Variants in ANKRD6 observed in about 807,000 individuals in gnomAD.
ANKRD6 encodes ankyrin repeat domain 6.
ANKRD6 carries 56 observed loss-of-function variants against 82.3 expected under a neutral mutation model. The ratio of observed to expected loss-of-function variants is 0.68; its 90% confidence interval spans 0.55 to 0.85. The LOEUF (loss-of-function observed/expected upper bound fraction) is 0.85. Ranked by LOEUF, ANKRD6 falls within the 40% of genes least tolerant of loss-of-function variation. The pLI, the probability that ANKRD6 is intolerant of heterozygous loss-of-function variation, is 0.00. For synonymous variants in ANKRD6, 347 were observed against 352.1 expected (o/e 0.99, Z 0.16); for missense variants, 852 against 907.6 (o/e 0.94, Z 0.79).
chr6:89,466,087 C>T (rs1314474225), intron 1 of ANKRD6, among the ~76,000 whole-genome samples: 10 of 152,128 alleles, frequency 6.6e-5, no homozygotes, highest in Non-Finnish European at 1.3e-4. Flanking sequence ...ACACAGTGGA[C>T]ATCATACTCT....
chr6:89,600,267 A>T lies in ANKRD6; in HGVS notation c.220-2762A>T, dbSNP rs2128168254. On this transcript the variant is annotated intron_variant, in intron 3 of 15. Transcript: ENST00000339746. ...ACTTGGTGCCATTCCGGCTCCAAAGATACCTCAACTCATAATTTAGAGGGC... is the reference window on the plus strand; with the variant it reads ...ACTTGGTGCCATTCCGGCTCCAAAGTTACCTCAACTCATAATTTAGAGGGC... Among the ~76,000 whole-genome samples, 4 of 152,312 alleles carry T rather than the reference A, an allele frequency of 2.6e-5. No individual in the cohort carries two copies. In the Middle Eastern group the frequency reaches 0.014, roughly 518 times the overall value.
At chr6:89,601,068 G>A (rs773772366) in intron 3 of ANKRD6, among the ~76,000 whole-genome samples, 4 of 152,102 alleles carry the variant, frequency 2.6e-5, no homozygotes, top group Non-Finnish European at 4.4e-5. Flanking sequence ...GACTTGGGCA[G>A]TATCTCATAT....
intron 1 of ANKRD6, among the ~76,000 whole-genome samples, chr6:89,451,150 A>T (rs1057191067): frequency 6.6e-6 from 1 of 152,158 alleles, no homozygotes; most frequent in Non-Finnish European, 1.5e-5. Context: ...TCTACAAAAA[A>T]TACAAAAAGT....
intron 2 of ANKRD6, among the ~76,000 whole-genome samples, chr6:89,578,636 A>T (rs774992580): frequency 4.6e-5 from 7 of 152,200 alleles, no homozygotes; most frequent in Non-Finnish European, 8.8e-5. Context: ...TAAAATAAGC[A>T]TATATTAATT....
chr6:89,574,467 GC>G (rs1299017737), intron 2 of ANKRD6, among the ~76,000 whole-genome samples: 3 of 152,186 alleles, frequency 2.0e-5, no homozygotes, highest in Non-Finnish European at 1.5e-5. Flanking sequence ...AGCACATGTT[GC>G]CATAGTTATA....
chr6:89,471,604 T>G (rs1278803559), intron 1 of ANKRD6, among the ~76,000 whole-genome samples: 1 of 151,258 alleles, frequency 6.6e-6, no homozygotes, highest in Non-Finnish European at 1.5e-5. Flanking sequence ...TAGGTATGTG[T>G]TTATCTGTGT....
At chr6:89,534,367 G>A (rs1216179099) in intron 1 of ANKRD6, among the ~76,000 whole-genome samples, 3 of 152,032 alleles carry the variant, frequency 2.0e-5, no homozygotes, top group African/African-American at 7.2e-5. Flanking sequence ...CAAAAAAGAA[G>A]AAAAGAATAA....
At chr6:89,463,664 T>C (rs941999147) in intron 1 of ANKRD6, among the ~76,000 whole-genome samples, 16 of 152,108 alleles carry the variant, frequency 1.1e-4, no homozygotes, top group African/African-American at 3.9e-4. Context: ...TTCTCCTGCC[T>C]CAGCCTCCCG....
At chr6:89,512,835 A>G (rs1780715633) in intron 1 of ANKRD6, among the ~76,000 whole-genome samples, 1 of 152,228 alleles carries the variant, frequency 6.6e-6, no homozygotes, top group Non-Finnish European at 1.5e-5. Flanking sequence ...AGAAGAGTGA[A>G]TGGTTTCCAC....
At chr6:89,540,472 G>A (rs577235731) in intron 1 of ANKRD6, among the ~76,000 whole-genome samples, 19 of 152,078 alleles carry the variant, frequency 1.2e-4, no homozygotes, top group Admixed American at 3.9e-4. Context: ...TGTTTGGATT[G>A]TTAGATTATT....
At chr6:89,573,386 C>T (rs1790378515) in intron 2 of ANKRD6, among the ~76,000 whole-genome samples, 1 of 152,100 alleles carries the variant, frequency 6.6e-6, no homozygotes, top group African/African-American at 2.4e-5. Flanking sequence ...TAAAACCGTT[C>T]TTAGTGCAAT....
At chr6:89,452,408 G>A (rs934099976) in intron 1 of ANKRD6, among the ~76,000 whole-genome samples, 1 of 152,162 alleles carries the variant, frequency 6.6e-6, no homozygotes, top group Admixed American at 6.5e-5. Context: ...AGTGAGGGGG[G>A]AAATGTTATA....
At chr6:89,471,359 CAAAAA>C (rs568718441) in intron 1 of ANKRD6, among the ~76,000 whole-genome samples, 1 of 57,120 alleles carries the variant, frequency 1.8e-5, no homozygotes, top group Non-Finnish European at 3.5e-5. Context: ...ACAACAACAA[CAAAAA>C]AAAAAAAAAA....
At chr6:89,491,292 A>T (rs1352486585) in intron 1 of ANKRD6, among the ~76,000 whole-genome samples, 2 of 152,170 alleles carry the variant, frequency 1.3e-5, no homozygotes, top group Non-Finnish European at 2.9e-5. Context: ...TGGTGTTGGG[A>T]TTCAGGACAC....
intron 1 of ANKRD6, among the ~76,000 whole-genome samples, chr6:89,451,156 A>G (rs1010341864): frequency 1.3e-5 from 2 of 152,134 alleles, no homozygotes; most frequent in Admixed American, 1.3e-4. Context: ...AAAAATACAA[A>G]AAGTTAGTAG....
In ANKRD6 at chr6:89,470,528, A is replaced by G. The variant is rs190408949; in HGVS notation, c.-144+37153A>G. On this transcript the variant is annotated intron_variant, in intron 1 of 15. Coordinates refer to ENST00000339746, the MANE Select transcript of ANKRD6 (RefSeq NM_001242809.2). ...CCCAGATACTCAGGAGGCTGAGGCAAGAGGATTGTTTGCACCCCAGAAGTC... is the reference window on the plus strand; with the variant it reads ...CCCAGATACTCAGGAGGCTGAGGCAGGAGGATTGTTTGCACCCCAGAAGTC... 2.6e-3 allele frequency among the ~76,000 whole-genome samples: 402 copies of G among 152,230 alleles called. 1 individual carries two copies. The highest frequency in any genetic ancestry group is 9.2e-3 in the African/African-American group (384 of 41,544).
chr6:89,607,086 C>T (rs1435082078), intron 5 of ANKRD6, among the ~76,000 whole-genome samples: 1 of 151,300 alleles, frequency 6.6e-6, no homozygotes, highest in South Asian at 2.1e-4. Flanking sequence ...ACAAGAATCG[C>T]TTGAACCTGG....
At chr6:89,509,692 C>T (rs1780304626) in intron 1 of ANKRD6, among the ~76,000 whole-genome samples, 2 of 152,312 alleles carry the variant, frequency 1.3e-5, no homozygotes, top group Non-Finnish European at 2.9e-5. Flanking sequence ...GTACTGTTCT[C>T]CCTTCCTGAC....
intron 2 of ANKRD6, among the ~76,000 whole-genome samples, chr6:89,587,190 CAA>C (rs36065437): frequency 0.025 from 2,073 of 84,232 alleles, 56 homozygotes; most frequent in African/African-American, 0.082. Context: ...AACTCCGTCT[CAA>C]AAAAAAAAAA....
Sources: allele counts gnomAD v4.1 joint callset (sites outside exome capture counted in the v4.1 genomes callset), GRCh38; gene constraint gnomAD v4.1.1; transcripts MANE v1.5; gene names NCBI Gene and HGNC (gene_info 2026-07-23, HGNC 2026-07-21).